The following TMPRSS11E variants were observed in gnomAD, a reference collection of about 807,000 sequenced individuals.
TMPRSS11E encodes the protein transmembrane protease serine 11E.
A neutral mutation model predicts 48.1 loss-of-function variants in TMPRSS11E; 38 were observed. The ratio of observed to expected loss-of-function variants is 0.79; its 90% CI spans 0.61 to 1.04. The LOEUF (loss-of-function observed/expected upper bound fraction) is 1.04. Among genes scored for constraint, TMPRSS11E ranks in the 50% least tolerant of loss-of-function variants. TMPRSS11E has a pLI of 0.00. For synonymous variants in TMPRSS11E, 158 were observed against 171.9 expected, an observed-to-expected ratio of 0.92 and a Z score of 0.63; for missense variants, 530 against 510.8, an observed-to-expected ratio of 1.04 and a Z score of -0.36.
Position 68,457,960 on chromosome 4 carries a change from A to G in TMPRSS11E, c.12-3861A>G, listed in dbSNP as rs181902921. ...GGTGGGGGGCTAGGGGAGGGATAGT[A>G]TTAGGAGAAATACCTAATGTAGATG... is the stretch of plus-strand genomic sequence containing the variant. On this transcript the variant is annotated intron_variant, in intron 1 of 9. Transcript: ENST00000305363. Among the ~76,000 whole-genome samples the G allele has an allele frequency of 7.7e-4, 118 of 152,258 alleles. 1 individual carries two copies. The highest frequency in any genetic ancestry group is 4.8e-3 in the South Asian group (23 of 4,820).
intron 2 of TMPRSS11E, among the ~76,000 whole-genome samples, chr4:68,465,914 C>T (rs1728915198): frequency 6.6e-6 from 1 of 152,170 alleles, no homozygotes; most frequent in Admixed American, 6.5e-5. Flanking sequence ...AGTTATATCA[C>T]ATTAACTTTT....
intron 3 of TMPRSS11E, 37 bp from the exon 4 acceptor site, chr4:68,468,842 G>T: frequency 7.2e-7 from 1 of 1,397,432 alleles, no homozygotes; most frequent in Admixed American, 1.7e-5. Flanking sequence ...TCAGAAAGTT[G>T]TTCTTGCTGA....
chr4:68,447,539 TTTTC>T lies in TMPRSS11E; in HGVS notation c.11+22_11+25del, dbSNP rs772893555. On this transcript the variant is annotated intron_variant, in intron 1 of 9. Transcript: ENST00000305363. ...TGATGTATCGGTGAGTTAGTTCCCT[TTTTC>T]TTTCTAGAAGTCTTAAGGTAACTTT... 2.1e-5 allele frequency: 34 copies of T among 1,606,374 alleles called. No individual in the cohort carries two copies. Among genetic ancestry groups the T allele is most frequent in the Non-Finnish European group, 1.9e-5 (22 of 1,175,708 alleles).
intron 9 of TMPRSS11E, 145 bp from the exon 10 acceptor site, chr4:68,496,498 T>C (rs572271747): frequency 6.2e-6 from 5 of 801,364 alleles, no homozygotes; most frequent in South Asian, 3.9e-5. Context: ...ATAACTGACA[T>C]AGATGGAGAA....
At position 68,451,651 on chromosome 4, in the gene TMPRSS11E, C is replaced by A. The variant is rs148153797; in HGVS notation, c.11+4128C>A. Among the ~76,000 whole-genome samples the A allele has an allele frequency of 3.0e-3, 457 of 152,062 alleles. 5 individuals carry two copies. Among genetic ancestry groups the A allele is most frequent in the African/African-American group, 0.01 (429 of 41,528 alleles). ...TTTAAAGTTGAACTGTGAGTCAGTG[C>A]AGGACAAAATAATAATTGCTATCTT... On this transcript the variant is annotated intron_variant, in intron 1 of 9. Coordinates refer to ENST00000305363, the MANE Select transcript of TMPRSS11E (RefSeq NM_014058.4).
At chr4:68,460,122 A>G (rs533222382) in intron 1 of TMPRSS11E, among the ~76,000 whole-genome samples, 2 of 152,298 alleles carry the variant, frequency 1.3e-5, no homozygotes, top group South Asian at 4.1e-4. Flanking sequence ...ACAAGGCAGG[A>G]GAACAAGCAG....
At position 68,471,858 on chromosome 4, in the gene TMPRSS11E, C is replaced by T. The variant is rs146364451; in HGVS notation, c.490+235C>T. On this transcript the variant is annotated intron_variant, in intron 5 of 9. Transcript: ENST00000305363. Reference sequence around the variant, plus strand: ...CTCCTTAGCAGTTTTCTTTATATTACACTTTATAGTTTGGCTATAGAATCC... The same window carrying T: ...CTCCTTAGCAGTTTTCTTTATATTATACTTTATAGTTTGGCTATAGAATCC... Among the ~76,000 whole-genome samples the T allele has an allele frequency of 6.0e-3, 913 of 151,940 alleles. 2 individuals are homozygous for T. Among genetic ancestry groups the T allele is most frequent in the African/African-American group, 0.019 (799 of 41,504 alleles).
chr4:68,454,535 C>T (rs1578131218), intron 1 of TMPRSS11E, among the ~76,000 whole-genome samples: 2 of 151,780 alleles, frequency 1.3e-5, no homozygotes, highest in Non-Finnish European at 2.9e-5. Flanking sequence ...TATTTCAGGT[C>T]GATAACTGGG....
At chr4:68,473,412 C>T (rs1355246521) in intron 5 of TMPRSS11E, among the ~76,000 whole-genome samples, 7 of 152,090 alleles carry the variant, frequency 4.6e-5, no homozygotes, top group Non-Finnish European at 1.0e-4. Flanking sequence ...AGCACACTTA[C>T]CTTGTACTTG....
chr4:68,459,282 C>A (rs1421884276), intron 1 of TMPRSS11E, among the ~76,000 whole-genome samples: 1 of 151,684 alleles, frequency 6.6e-6, no homozygotes, highest in African/African-American at 2.4e-5. Flanking sequence ...ATGTAAATTC[C>A]ATGAAAATAC....
intron 9 of TMPRSS11E, among the ~76,000 whole-genome samples, chr4:68,493,172 T>C (rs1460419361): frequency 6.6e-6 from 1 of 152,100 alleles, no homozygotes; most frequent in Non-Finnish European, 1.5e-5. Context: ...TAATGAACTT[T>C]CATGTACTCA....
At chr4:68,491,299 C>CAAAAAAAAAAA (rs752361546) in intron 9 of TMPRSS11E, among the ~76,000 whole-genome samples, 2 of 92,056 alleles carry the variant, frequency 2.2e-5, no homozygotes, top group East Asian at 4.4e-4. Flanking sequence ...ATATATGAAG[C>CAAAAAAAAAAA]AAAAAAAAAA....
chr4:68,483,300 A>C (rs1117816), intron 9 of TMPRSS11E, among the ~76,000 whole-genome samples: 28,186 of 152,098 alleles, frequency 0.19, 3,019 homozygotes, highest in Admixed American at 0.26. Flanking sequence ...ACAACCAGAT[A>C]TCGTGACAGT....
At chr4:68,480,470 T>G (rs957548591) in intron 9 of TMPRSS11E, among the ~76,000 whole-genome samples, 1 of 152,028 alleles carries the variant, frequency 6.6e-6, no homozygotes, top group Non-Finnish European at 1.5e-5. Context: ...TCCAGGGTTT[T>G]TCTTTGTTTC....
intron 1 of TMPRSS11E, among the ~76,000 whole-genome samples, chr4:68,458,690 C>T (rs1181209761): frequency 6.6e-6 from 1 of 151,944 alleles, no homozygotes; most frequent in Non-Finnish European, 1.5e-5. Flanking sequence ...GAATCACTTA[C>T]TGAGAAAATA....
intron 9 of TMPRSS11E, among the ~76,000 whole-genome samples, chr4:68,483,579 G>A (rs1402229775): frequency 6.6e-6 from 1 of 152,090 alleles, no homozygotes; most frequent in Non-Finnish European, 1.5e-5. Context: ...CTATTCTGTA[G>A]GTCGTCTGTT....
chr4:68,451,224 GAGA>G (rs755008255), intron 1 of TMPRSS11E, among the ~76,000 whole-genome samples: 1 of 152,030 alleles, frequency 6.6e-6, no homozygotes, highest in African/African-American at 2.4e-5. Context: ...AAACTGCACA[GAGA>G]AGTTCTTCAA....
intron 3 of TMPRSS11E, among the ~76,000 whole-genome samples, chr4:68,468,596 C>G (rs1486350904): frequency 6.6e-6 from 1 of 152,026 alleles, no homozygotes; most frequent in African/African-American, 2.4e-5. Flanking sequence ...TTTGAAGAAA[C>G]AGCATGTTCA....
At chr4:68,477,165 T>C (rs1729244787) in intron 7 of TMPRSS11E, among the ~76,000 whole-genome samples, 1 of 152,058 alleles carries the variant, frequency 6.6e-6, no homozygotes, top group Non-Finnish European at 1.5e-5. Context: ...ACTTGGCATA[T>C]GGAGTGGCAT....
Sources: allele counts gnomAD v4.1 joint callset (sites outside exome capture counted in the v4.1 genomes callset), GRCh38; gene constraint gnomAD v4.1.1; transcripts MANE v1.5; gene names NCBI Gene and HGNC (gene_info 2026-07-23, HGNC 2026-07-21).